Variants in DPP6 observed in about 807,000 individuals in gnomAD.
The protein encoded by DPP6 is dipeptidyl peptidase like 6, also known as A-type potassium channel modulatory protein DPP6.
In DPP6, 69 loss-of-function variants were observed where a neutral mutation model predicts 122.6. The observed-to-expected ratio is 0.56, with a 90% CI of 0.46 to 0.69. The LOEUF (loss-of-function observed/expected upper bound fraction) is 0.69. Ranked by LOEUF, DPP6 falls within the 30% of genes least tolerant of loss-of-function variation. The pLI is 0.00. For missense variants in DPP6, 928 were observed against 1,116.9 expected, an observed-to-expected ratio of 0.83 and a Z score of 2.41; for synonymous variants, 418 against 433.1, an observed-to-expected ratio of 0.97 and a Z score of 0.43.
intron 1 of DPP6, among the ~76,000 whole-genome samples, chr7:153,908,740 A>T (rs1300483715): frequency 6.6e-6 from 1 of 152,056 alleles, no homozygotes; most frequent in Non-Finnish European, 1.5e-5. Context: ...GAATGGTCAC[A>T]TGTTGAATTT....
At chr7:154,627,968 G>A (rs147606941) in intron 5 of DPP6, among the ~76,000 whole-genome samples, 25 of 152,328 alleles carry the variant, frequency 1.6e-4, no homozygotes, top group African/African-American at 5.8e-4. Flanking sequence ...TTTATTCATG[G>A]TTCAGGCAGC....
intron 1 of DPP6, among the ~76,000 whole-genome samples, chr7:154,389,336 C>G (rs781061585): frequency 4.6e-5 from 7 of 151,992 alleles, no homozygotes; most frequent in Admixed American, 6.6e-5. Flanking sequence ...ATTAATCGTG[C>G]CTTGAAATCT....
At chr7:153,861,375 T>C in the DPP6 span, among the ~76,000 whole-genome samples, 1 of 152,244 alleles carries the variant, frequency 6.6e-6, no homozygotes, top group African/African-American at 2.4e-5. Flanking sequence ...TGACTTAATA[T>C]AAATGAATGG....
chr7:154,147,161 G>A (rs1293845751), intron 1 of DPP6, among the ~76,000 whole-genome samples: 1 of 152,136 alleles, frequency 6.6e-6, no homozygotes, highest in African/African-American at 2.4e-5. Flanking sequence ...TTCTTTGCAG[G>A]AAGCGTCCAA....
intron 16 of DPP6, among the ~76,000 whole-genome samples, chr7:154,828,183 T>G (rs1360176785): frequency 6.6e-6 from 1 of 152,164 alleles, no homozygotes; most frequent in Non-Finnish European, 1.5e-5. Flanking sequence ...GCCTTATTCG[T>G]GGGAGATACA....
chr7:154,389,639 G>GT (rs1454872534), intron 1 of DPP6, among the ~76,000 whole-genome samples: 23 of 152,214 alleles, frequency 1.5e-4, no homozygotes, highest in Non-Finnish European at 2.2e-4. Context: ...CAAAGGCAGG[G>GT]TTTTTTATTT....
intron 1 of DPP6, among the ~76,000 whole-genome samples, chr7:153,970,250 T>C (rs1479295870): frequency 6.6e-6 from 1 of 152,214 alleles, no homozygotes; most frequent in East Asian, 1.9e-4. Context: ...AACTGGCAGA[T>C]TGTGACAAAT....
the DPP6 span, among the ~76,000 whole-genome samples, chr7:153,800,942 C>A: frequency 2.6e-5 from 4 of 152,230 alleles, no homozygotes; most frequent in East Asian, 7.7e-4. Flanking sequence ...TTGATCATTA[C>A]ATGTTGCATG....
intron 1 of DPP6, chr7:154,092,860 G>A (rs146998117): frequency 1.3e-3 from 192 of 152,164 alleles, no homozygotes; most frequent in African/African-American, 4.4e-3. Context: ...TATTACAATG[G>A]TTGTCAGATG....
chr7:154,849,443 G>T (rs1252771391), intron 16 of DPP6, among the ~76,000 whole-genome samples: 1 of 152,036 alleles, frequency 6.6e-6, no homozygotes, highest in East Asian at 1.9e-4. Context: ...TTGTAAATGG[G>T]ATTGTTTCCT....
At chr7:154,750,350 C>T (rs1002031167) in intron 8 of DPP6, among the ~76,000 whole-genome samples, 2 of 152,220 alleles carry the variant, frequency 1.3e-5, no homozygotes, top group Admixed American at 6.5e-5. Flanking sequence ...AGGCTCAGAG[C>T]GTGTGCACCG....
intron 3 of DPP6, among the ~76,000 whole-genome samples, chr7:154,490,572 C>T (rs573568933): frequency 6.6e-6 from 1 of 152,328 alleles, no homozygotes; most frequent in Non-Finnish European, 1.5e-5. Flanking sequence ...GCTTCTCACT[C>T]CCATCTCAAA....
chr7:154,150,271 G>GC (rs1037728330), intron 1 of DPP6, among the ~76,000 whole-genome samples: 3 of 152,018 alleles, frequency 2.0e-5, no homozygotes, highest in Admixed American at 6.5e-5. Context: ...ATTTGGCAAG[G>GC]CCCCCCACTT....
intron 1 of DPP6, among the ~76,000 whole-genome samples, chr7:154,409,093 G>C (rs1816374287): frequency 2.0e-5 from 3 of 152,150 alleles, no homozygotes; most frequent in Admixed American, 1.3e-4. Flanking sequence ...GTGGTGAGCT[G>C]AGATTGCACC....
intron 1 of DPP6, among the ~76,000 whole-genome samples, chr7:154,087,386 T>C (rs1162849060): frequency 1.3e-5 from 2 of 152,132 alleles, no homozygotes; most frequent in Non-Finnish European, 2.9e-5. Flanking sequence ...TGAACTGTGC[T>C]TTTCAAAGAC....
At chr7:154,564,609 C>T (rs1830625381) in intron 4 of DPP6, among the ~76,000 whole-genome samples, 3 of 152,152 alleles carry the variant, frequency 2.0e-5, no homozygotes, top group Admixed American at 2.0e-4. Context: ...ATGTGAAAAC[C>T]ACACATATAT....
chr7:154,807,199 G>A (rs1798755854), intron 16 of DPP6, 87 bp downstream of exon 16: 4 of 1,526,172 alleles, frequency 2.6e-6, no homozygotes, highest in Admixed American at 3.7e-5. Context: ...GGAGGGGGCA[G>A]CGGCTGTGGT....
intron 1 of DPP6, among the ~76,000 whole-genome samples, chr7:154,062,020 G>C (rs1395172296): frequency 2.3e-5 from 3 of 130,588 alleles, no homozygotes; most frequent in African/African-American, 8.5e-5. Context: ...TCGCAGGGGG[G>C]GGGAGGCACC....
chr7:154,165,145 A>C (rs1169337198), intron 1 of DPP6, among the ~76,000 whole-genome samples: 2 of 133,424 alleles, frequency 1.5e-5, no homozygotes, highest in African/African-American at 2.9e-5. Context: ...TCCCAATACT[A>C]TCCCTCCCCC....
Sources: allele counts gnomAD v4.1 joint callset (sites outside exome capture counted in the v4.1 genomes callset), GRCh38; gene constraint gnomAD v4.1.1; transcripts MANE v1.5; gene names NCBI Gene and HGNC (gene_info 2026-07-23, HGNC 2026-07-21).